SH3BP4: variants seen among roughly 807,000 people sequenced by gnomAD.
SH3BP4 encodes SH3 domain-binding protein 4.
Under a neutral mutation model 65.5 loss-of-function variants are expected in SH3BP4, and 33 were observed. The ratio of observed to expected loss-of-function variants is 0.50; its 90% CI spans 0.38 to 0.67. The LOEUF (loss-of-function observed/expected upper bound fraction) is 0.67. Among genes scored for constraint, SH3BP4 ranks in the 30% least tolerant of loss-of-function variants. The pLI is 0.00. For synonymous variants in SH3BP4, 552 were observed against 545.5 expected (o/e 1.01, Z -0.17); for missense variants, 1,134 against 1,261.4 (o/e 0.90, Z 1.53).
intron 1 of SH3BP4, among the ~76,000 whole-genome samples, chr2:234,985,544 T>C (rs73124257): frequency 0.011 from 1,710 of 152,294 alleles, 35 homozygotes; most frequent in African/African-American, 0.036. Context: ...TCACTCTCTG[T>C]GCACAGGTGT....
intron 2 of SH3BP4, among the ~76,000 whole-genome samples, chr2:235,025,305 G>C (rs568997913): frequency 6.6e-6 from 1 of 152,180 alleles, no homozygotes; most frequent in Non-Finnish European, 1.5e-5. Flanking sequence ...CTAGGGAAGC[G>C]AGCCAAGGTG....
chr2:234,953,810 T>C (rs985070524), intron 1 of SH3BP4, among the ~76,000 whole-genome samples: 4 of 152,034 alleles, frequency 2.6e-5, no homozygotes, highest in Non-Finnish European at 5.9e-5. Flanking sequence ...CTGAGGACAA[T>C]ATTCCTGGTT....
Position 235,030,377 on chromosome 2 carries a change from A to G in SH3BP4, c.-132-4494A>G, listed in dbSNP as rs112343560. 7.1e-3 allele frequency among the ~76,000 whole-genome samples: 1,086 copies of G among 152,270 alleles called. 12 individuals are homozygous for G. Among genetic ancestry groups the G allele is most frequent in the African/African-American group, 0.025 (1,034 of 41,540 alleles). ...GGCAAGTTGCTTTAGTGATCTCTCC[A>G]AGCCCGTTTTCATGGAATCTGTAAA... On this transcript the variant is annotated intron_variant, in intron 2 of 5. Coordinates refer to ENST00000392011, the MANE Select transcript of SH3BP4 (RefSeq NM_014521.3). This position sits in a 1 kb window ranked among gnomAD's most constrained non-coding sequence, Gnocchi z 4.1.
At chr2:234,954,020 G>A (rs953389727) in intron 1 of SH3BP4, among the ~76,000 whole-genome samples, 2 of 151,892 alleles carry the variant, frequency 1.3e-5, no homozygotes, top group African/African-American at 2.4e-5. Flanking sequence ...TGCCCGGGCC[G>A]TGCTTATCCA....
At chr2:235,031,182 C>G (rs377106068) in intron 2 of SH3BP4, among the ~76,000 whole-genome samples, 1 of 152,232 alleles carries the variant, frequency 6.6e-6, no homozygotes, top group African/African-American at 2.4e-5. Flanking sequence ...TTCTCTCGGC[C>G]TGAAAAGGGG....
rs944754074 is a variant in SH3BP4, at chr2:234,977,325, C to G, written c.-206-17978C>G. ...CTTGGTGCGCCATGGCAGCTGGGCCCAGGCCTCCCAGTTGGGCCGAGGCCC... is the reference window on the plus strand; with the variant it reads ...CTTGGTGCGCCATGGCAGCTGGGCCGAGGCCTCCCAGTTGGGCCGAGGCCC... On this transcript the variant is annotated intron_variant, in intron 1 of 5. Coordinates refer to ENST00000392011, the MANE Select transcript of SH3BP4 (RefSeq NM_014521.3). This position sits in a 1 kb window ranked among gnomAD's most constrained non-coding sequence, Gnocchi z 5.1. Among the ~76,000 whole-genome samples, 1 of 152,154 alleles carries G rather than the reference C, an allele frequency of 6.6e-6. No individual in the cohort carries two copies. The highest frequency in any genetic ancestry group is 1.5e-5 in the Non-Finnish European group (1 of 68,028).
chr2:234,993,201 CG>C (rs1693807152), intron 1 of SH3BP4, among the ~76,000 whole-genome samples: 1 of 152,198 alleles, frequency 6.6e-6, no homozygotes, highest in Admixed American at 6.5e-5. Context: ...TCGAAGCCCC[CG>C]TCAGAGCTGA....
intron 4 of SH3BP4, among the ~76,000 whole-genome samples, chr2:235,043,931 C>T (rs1695759912): frequency 6.6e-6 from 1 of 152,256 alleles, no homozygotes; most frequent in African/African-American, 2.4e-5. Context: ...AGTTACTTTT[C>T]CCACCGAATC....
chr2:235,042,856 A>T lies in SH3BP4; in HGVS notation c.2087A>T (p.Gln696Leu). ...LSEERVRLRG[Q>L]LWTKEWYIGY... ...GAGGAGCGGGTCAGGCTCCGGGGCC[A>T]GCTGTGGACCAAGGAGTGGTACATC... The change falls in exon 4 of 6, where the codon CAG becomes CTG. Residue 696 changes from glutamine to leucine, a missense_variant. By Grantham distance (113) the Gln-to-Leu change is moderately radical. Coordinates refer to ENST00000392011, the MANE Select transcript of SH3BP4 (RefSeq NM_014521.3). The surrounding 1 kb of genome is among the most constrained non-coding windows in gnomAD (Gnocchi z 7.3). 1 of 1,613,876 alleles carries T rather than the reference A, an allele frequency of 6.2e-7. No homozygotes were observed. Among genetic ancestry groups the T allele is most frequent in the Non-Finnish European group, 8.5e-7 (1 of 1,180,034 alleles).
chr2:234,985,609 C>T (rs73124258), intron 1 of SH3BP4, among the ~76,000 whole-genome samples: 1,713 of 152,210 alleles, frequency 0.011, 35 homozygotes, highest in African/African-American at 0.036. Flanking sequence ...TATTTTTGAC[C>T]CTCTGCGCAC....
chr2:235,015,713 G>T (rs184151736), intron 2 of SH3BP4, among the ~76,000 whole-genome samples: 4 of 152,310 alleles, frequency 2.6e-5, no homozygotes, highest in African/African-American at 9.6e-5. Flanking sequence ...GAGTGGTGGG[G>T]TTGGCCAGAG....
intron 1 of SH3BP4, among the ~76,000 whole-genome samples, chr2:234,971,226 T>C (rs1290319581): frequency 6.6e-6 from 1 of 152,220 alleles, no homozygotes; most frequent in East Asian, 1.9e-4. Context: ...TTACTACAGG[T>C]ACCTCACGTA....
chr2:235,005,174 T>G (rs1458830347), intron 2 of SH3BP4, among the ~76,000 whole-genome samples: 6 of 152,172 alleles, frequency 3.9e-5, no homozygotes, highest in African/African-American at 1.2e-4. Context: ...ACAGGAGGCT[T>G]GCTGTGGAAA....
At position 234,952,397 on chromosome 2, in the gene SH3BP4, C is replaced by T. The variant is rs1283659839; in HGVS notation, c.-207+227C>T. 1.3e-5 allele frequency among the ~76,000 whole-genome samples: 2 copies of T among 150,978 alleles called. No homozygotes were observed. The highest frequency in any genetic ancestry group is 4.8e-5 in the African/African-American group (2 of 41,288). On this transcript the variant is annotated intron_variant, in intron 1 of 5. Transcript: ENST00000392011. The surrounding 1 kb of genome is among the most constrained non-coding windows in gnomAD (Gnocchi z 6.5). ...GCCGCTCCCCCGGGCGCTCGGGTCT[C>T]CCTGGTGCTGGTGGGCAGGGACCCG...
chr2:234,975,288 G>A (rs1053347474), intron 1 of SH3BP4, among the ~76,000 whole-genome samples: 6 of 152,174 alleles, frequency 3.9e-5, no homozygotes, highest in African/African-American at 1.4e-4. Flanking sequence ...TGCTATGGCT[G>A]GAGCTGCTGC....
chr2:235,043,019 C>T lies in SH3BP4; in HGVS notation c.2250C>T (p.Phe750=), dbSNP rs758221832. Residue 750 remains phenylalanine, a synonymous_variant, in exon 4 of 6, where the codon TTC becomes TTT. Transcript: ENST00000392011. ...AGCAGATCCTGCGGCCCTGCAAATT[C>T]CTCACGTACATCTATGCCTCCGTGA... ...LLEQILRPCK[F]LTYIYASVRT... 2.8e-5 allele frequency: 45 copies of T among 1,608,980 alleles called. No homozygotes were observed. Among genetic ancestry groups the T allele is most frequent in the Non-Finnish European group, 3.5e-5 (41 of 1,176,206 alleles).
chr2:234,965,936 G>A (rs917783791), intron 1 of SH3BP4, among the ~76,000 whole-genome samples: 5 of 152,216 alleles, frequency 3.3e-5, no homozygotes, highest in African/African-American at 4.8e-5. Flanking sequence ...AGTAGAGCTC[G>A]CAAATGGGGT....
chr2:234,963,408 A>G (rs189627468), intron 1 of SH3BP4, among the ~76,000 whole-genome samples: 110 of 152,192 alleles, frequency 7.2e-4, no homozygotes, highest in African/African-American at 2.6e-3. Flanking sequence ...GACGTTGGGA[A>G]GAGTTCCAGA....
intron 2 of SH3BP4, among the ~76,000 whole-genome samples, chr2:234,999,313 C>A (rs1288310213): frequency 1.3e-5 from 2 of 152,142 alleles, no homozygotes; most frequent in Non-Finnish European, 2.9e-5. Flanking sequence ...GCTTTGGGGA[C>A]AAAAGACATC....
Sources: allele counts gnomAD v4.1 joint callset (sites outside exome capture counted in the v4.1 genomes callset), GRCh38; gene constraint gnomAD v4.1.1; non-coding constraint Gnocchi (gnomAD v3.1); transcripts MANE v1.5; gene names NCBI Gene and HGNC (gene_info 2026-07-23, HGNC 2026-07-21).